The following CSMD3 variants were observed in gnomAD, a reference collection of about 807,000 sequenced individuals.
The protein encoded by CSMD3 is CUB and Sushi multiple domains 3.
A neutral mutation model predicts 435.2 loss-of-function variants in CSMD3; 177 were observed. That is an observed-to-expected ratio of 0.41 (90% CI 0.36 to 0.46). The LOEUF (loss-of-function observed/expected upper bound fraction) is 0.46, where lower values mean the gene tolerates loss of function less well. CSMD3 is among the 20% of genes least tolerant of loss of function. CSMD3 has a pLI of 0.34. For synonymous variants in CSMD3, 1,656 were observed against 1,520.5 expected (o/e 1.09, Z -2.07); for missense variants, 4,265 against 4,504.6 (o/e 0.95, Z 1.52).
rs73340219 is a variant in CSMD3, at chr8:113,097,391, C to A, written c.917+1365G>T. On this transcript the variant is annotated intron_variant, in intron 5 of 70. Coordinates refer to ENST00000297405, the MANE Select transcript of CSMD3 (RefSeq NM_198123.2). ...AGAGGCCTGCTCTTTCTTCCCTTGTCTGCATGAAAGTATTTCACAAGACTT... is the reference window on the plus strand; with the variant it reads ...AGAGGCCTGCTCTTTCTTCCCTTGTATGCATGAAAGTATTTCACAAGACTT... Among the ~76,000 whole-genome samples, 1,510 of 152,120 alleles carry A rather than the reference C, an allele frequency of 9.9e-3. 36 individuals carry two copies. The highest frequency in any genetic ancestry group is 0.035 in the African/African-American group (1,437 of 41,534).
chr8:113,223,529 A>T, intron 3 of CSMD3, among the ~76,000 whole-genome samples: 1 of 150,302 alleles, frequency 6.7e-6, no homozygotes, highest in East Asian at 1.9e-4. Flanking sequence ...AATAATATAT[A>T]TTAGCCTTTA....
chr8:112,915,363 A>T (rs1029158350), intron 10 of CSMD3, among the ~76,000 whole-genome samples: 1 of 151,734 alleles, frequency 6.6e-6, no homozygotes, highest in Admixed American at 6.6e-5. Flanking sequence ...ATTAAATTTC[A>T]AATTTTTAGG....
chr8:113,088,717 G>T (rs1183190575), intron 5 of CSMD3, among the ~76,000 whole-genome samples: 1 of 114,280 alleles, frequency 8.8e-6, no homozygotes, highest in East Asian at 3.2e-4. Context: ...CTGTGGGGTG[G>T]GGGGAGGGGG....
rs1830801462 is a variant in CSMD3, at chr8:112,587,195, C to G, written c.3756G>C (p.Leu1252Phe). 1.2e-6 allele frequency: 2 copies of G among 1,610,216 alleles called. No individual in the cohort carries two copies. Among genetic ancestry groups the G allele is most frequent in the African/African-American group, 2.7e-5 (2 of 74,702 alleles). ...AGTTGAGTGGATAATTTGGAGACAG[C>G]AAAATTCCTTCATTATTCGTTGCAG... The part of the protein sequence containing the change: ...GASATNNEGI[L>F]LSPNYPLNYE... The change falls in exon 23 of 71, where the codon TTG becomes TTC. Residue 1252 changes from leucine to phenylalanine, a missense_variant. Transcript: ENST00000297405.
At chr8:112,292,510 C>A in intron 55 of CSMD3, 27 bp downstream of exon 55, 1 of 1,609,316 alleles carries the variant, frequency 6.2e-7, no homozygotes. Flanking sequence ...ATCATGCCAC[C>A]AAATGGGAAT....
At chr8:113,329,204 A>AAAATAAATAAATAAATAAATAAATAAAT (rs60369800) in intron 1 of CSMD3, among the ~76,000 whole-genome samples, 3 of 143,932 alleles carry the variant, frequency 2.1e-5, no homozygotes, top group Admixed American at 7.0e-5. Context: ...TTAAAGAATG[A>AAAATAAATAAATAAATAAATAAATAAAT]AAATAAATAA....
Position 112,976,659 on chromosome 8 carries a change from G to GA in CSMD3, c.1031-512dup, listed in dbSNP as rs200004986. Among the ~76,000 whole-genome samples, 1,013 of 151,340 alleles carry GA rather than the reference G, an allele frequency of 6.7e-3. 12 individuals carry two copies. Among genetic ancestry groups the GA allele is most frequent in the African/African-American group, 0.023 (970 of 41,348 alleles). ...CAAAGCCAAAATGAAAACAAATGAT[G>GA]AAAAAAAAGGGGCACTAAAATAACC... is the stretch of plus-strand genomic sequence containing the variant. On this transcript the variant is annotated intron_variant, in intron 6 of 70. Transcript: ENST00000297405.
chr8:112,373,442 CA>C (rs1023085073), intron 38 of CSMD3, among the ~76,000 whole-genome samples: 2 of 151,674 alleles, frequency 1.3e-5, no homozygotes, highest in Non-Finnish European at 2.9e-5. Context: ...CACTCACACG[CA>C]ATATCATTTT....
rs57982384 is a variant in CSMD3, at chr8:112,829,885, GCACACACACACACACA to G, written c.1756-112_1756-97del. On this transcript the variant is annotated intron_variant, in intron 11 of 70. Coordinates refer to ENST00000297405, the MANE Select transcript of CSMD3 (RefSeq NM_198123.2). ...ACAGAAATGCATTCTTTGTCTCTCT[GCACACACACACACACA>G]CACACACACACACACACACACACAC... 1.6e-3 allele frequency: 946 copies of G among 599,904 alleles called. 4 individuals are homozygous for G. The highest frequency in any genetic ancestry group is 0.01 in the African/African-American group (552 of 53,280). The allele number at this position is 599,904 out of a possible 1,614,324, so 37.2% of individuals were successfully genotyped here.
intron 11 of CSMD3, among the ~76,000 whole-genome samples, chr8:112,855,799 C>T (rs2080637519): frequency 7.3e-6 from 1 of 137,044 alleles, no homozygotes; most frequent in African/African-American, 2.7e-5. Context: ...TCAAATATGT[C>T]TTAGCGAAGC....
chr8:112,406,661 C>T lies in CSMD3; in HGVS notation c.5672G>A (p.Gly1891Asp), dbSNP rs1161717855. ...CGATGAACCGACTGCAAATTCATTG[C>T]CAATTCTTCTTCCGAATCTTGGTTC... is the stretch of plus-strand genomic sequence containing the variant. ...VPEPRFGRRI[G>D]NEFAVGSSVL... The change falls in exon 35 of 71, where the codon GGC becomes GAC. Residue 1891 changes from glycine (G) to aspartate (D), a missense_variant. Coordinates refer to ENST00000297405, the MANE Select transcript of CSMD3 (RefSeq NM_198123.2). 2 of 1,612,266 alleles carry T rather than the reference C, an allele frequency of 1.2e-6. No individual in the cohort carries two copies. The highest frequency in any genetic ancestry group is 1.7e-6 in the Non-Finnish European group (2 of 1,178,826).
chr8:113,046,800 A>G (rs896212007), intron 5 of CSMD3, among the ~76,000 whole-genome samples: 6 of 152,200 alleles, frequency 3.9e-5, no homozygotes, highest in African/African-American at 1.4e-4. Context: ...CAGGGCTGGA[A>G]GGACATGGAG....
At chr8:112,627,811 A>G (rs1047517695) in intron 22 of CSMD3, among the ~76,000 whole-genome samples, 3 of 152,164 alleles carry the variant, frequency 2.0e-5, no homozygotes, top group African/African-American at 7.2e-5. Context: ...ATGGTGAATT[A>G]ACTTTATACT....
chr8:112,787,622 C>T (rs1189034394), intron 13 of CSMD3, among the ~76,000 whole-genome samples: 1 of 152,064 alleles, frequency 6.6e-6, no homozygotes, highest in Non-Finnish European at 1.5e-5. Flanking sequence ...AAGGTGAGCT[C>T]CTGTCATTTG....
intron 7 of CSMD3, among the ~76,000 whole-genome samples, chr8:112,955,592 A>T (rs1447549022): frequency 6.6e-6 from 1 of 151,816 alleles, no homozygotes. Flanking sequence ...GTGCTATCAA[A>T]TGCTAGAACT....
In CSMD3 at chr8:113,303,169, AAAGAGAATAAAATACCTAGG is replaced by A. The variant is rs1041291184; in HGVS notation, c.401+11382_401+11401del. ...GTGAACTCCCATCCACAATTGCTTC[AAAGAGAATAAAATACCTAGG>A]AATCCAACTTACAAGGGATGTGAAG... On this transcript the variant is annotated intron_variant, in intron 2 of 70. Transcript: ENST00000297405. Among the ~76,000 whole-genome samples, 4 of 147,298 alleles carry A rather than the reference AAAGAGAATAAAATACCTAGG, an allele frequency of 2.7e-5. No individual in the cohort carries two copies. The Admixed American group carries it at 2.8e-4, about 10-fold the overall frequency.
intron 5 of CSMD3, among the ~76,000 whole-genome samples, chr8:113,087,580 C>A (rs1485310823): frequency 1.3e-5 from 2 of 152,000 alleles, no homozygotes; most frequent in African/African-American, 4.8e-5. Flanking sequence ...TGATCTTTGA[C>A]AAACCTGACA....
At chr8:113,282,984 A>G (rs2132482244) in intron 2 of CSMD3, among the ~76,000 whole-genome samples, 1 of 152,262 alleles carries the variant, frequency 6.6e-6, no homozygotes, top group South Asian at 2.1e-4. Flanking sequence ...TAAAGTGGGG[A>G]AAGGACACCA....
At chr8:112,781,128 A>G (rs923886300) in intron 13 of CSMD3, among the ~76,000 whole-genome samples, 1 of 151,738 alleles carries the variant, frequency 6.6e-6, no homozygotes, top group African/African-American at 2.4e-5. Flanking sequence ...ATAAATCAAC[A>G]AGCAGACTCC....
Sources: allele counts gnomAD v4.1 joint callset (sites outside exome capture counted in the v4.1 genomes callset), GRCh38; gene constraint gnomAD v4.1.1; transcripts MANE v1.5; gene names NCBI Gene and HGNC (gene_info 2026-07-23, HGNC 2026-07-21).